The following SORCS3 variants were observed in gnomAD, a reference collection of about 807,000 sequenced individuals.
The protein encoded by SORCS3 is VPS10 domain-containing receptor SorCS3.
A neutral mutation model predicts 146.3 loss-of-function variants in SORCS3; 57 were observed. The ratio of observed to expected loss-of-function variants is 0.39; its 90% CI spans 0.31 to 0.49. The LOEUF (loss-of-function observed/expected upper bound fraction) is 0.49. Among genes scored for constraint, SORCS3 ranks in the 20% least tolerant of loss-of-function variants. SORCS3 has a pLI of 0.92. For synonymous variants in SORCS3, 653 were observed against 618.5 expected (o/e 1.06, Z -0.83); for missense variants, 1,341 against 1,575.5 (o/e 0.85, Z 2.52).
intron 10 of SORCS3, among the ~76,000 whole-genome samples, chr10:105,157,592 A>G (rs1344054301): frequency 6.6e-6 from 1 of 152,218 alleles, no homozygotes; most frequent in East Asian, 1.9e-4. Context: ...GTAGTAATAC[A>G]TCTATTAACT....
chr10:104,641,801 T>C lies in SORCS3; in HGVS notation c.474T>C (p.Arg158=), dbSNP rs781311730. 30 of 1,550,240 alleles carry C rather than the reference T, an allele frequency of 1.9e-5. No individual in the cohort carries two copies. The highest frequency in any genetic ancestry group is 2.4e-5 in the Non-Finnish European group (28 of 1,148,142). Residue 158 remains arginine, a synonymous_variant, in exon 1 of 27, where the codon CGT becomes CGC. Transcript: ENST00000369701. The surrounding 1 kb of genome is among the most constrained non-coding windows in gnomAD (Gnocchi z 6.4). ...CGGCCGATGGTTCCAGAGGAAGCCG[T>C]CCCCTTGCTAAGGGTTCCCGGGAGG... ...TAPADGSRGS[R]PLAKGSREEV...
chr10:105,051,438 A>G (rs1473009016), intron 5 of SORCS3, among the ~76,000 whole-genome samples: 1 of 152,040 alleles, frequency 6.6e-6, no homozygotes, highest in Non-Finnish European at 1.5e-5. Context: ...TCTGGAATAT[A>G]TCCTATAATT....
At chr10:105,028,006 T>A (rs534428319) in intron 4 of SORCS3, among the ~76,000 whole-genome samples, 9 of 152,214 alleles carry the variant, frequency 5.9e-5, no homozygotes, top group South Asian at 4.1e-4. Flanking sequence ...CAGAGACACG[T>A]AGATACTTAA....
chr10:104,791,675 G>A (rs1038396788), intron 1 of SORCS3, among the ~76,000 whole-genome samples: 5 of 152,154 alleles, frequency 3.3e-5, no homozygotes, highest in Non-Finnish European at 7.3e-5. Context: ...AGCTTGGAGC[G>A]TGGGAATGCT....
At chr10:105,022,116 G>A (rs550820352) in intron 4 of SORCS3, among the ~76,000 whole-genome samples, 1 of 152,154 alleles carries the variant, frequency 6.6e-6, no homozygotes, top group South Asian at 2.1e-4. Context: ...TAGTACAGTG[G>A]CGACTACATG....
chr10:105,122,301 A>G (rs1160775098), intron 7 of SORCS3, among the ~76,000 whole-genome samples: 1 of 152,216 alleles, frequency 6.6e-6, no homozygotes, highest in Non-Finnish European at 1.5e-5. Context: ...TGGAGTAAAT[A>G]ATCATTTTGA....
chr10:105,234,783 C>A (rs900622571), intron 20 of SORCS3, among the ~76,000 whole-genome samples: 1 of 151,956 alleles, frequency 6.6e-6, no homozygotes, highest in Non-Finnish European at 1.5e-5. Flanking sequence ...TCTACCTTAT[C>A]CATGAAATCT....
intron 8 of SORCS3, among the ~76,000 whole-genome samples, chr10:105,141,266 G>A (rs1010950828): frequency 1.3e-5 from 2 of 152,078 alleles, no homozygotes; most frequent in African/African-American, 4.8e-5. Flanking sequence ...CATCCGCTTA[G>A]TCCCTTTTAT....
At chr10:105,119,797 C>G (rs556389106) in intron 7 of SORCS3, among the ~76,000 whole-genome samples, 5 of 152,284 alleles carry the variant, frequency 3.3e-5, no homozygotes, top group Admixed American at 3.3e-4. Flanking sequence ...CCTATACCCC[C>G]ATTGTATCTA....
intron 14 of SORCS3, among the ~76,000 whole-genome samples, chr10:105,197,860 A>G (rs1220024016): frequency 6.6e-6 from 1 of 152,130 alleles, no homozygotes; most frequent in East Asian, 1.9e-4. Flanking sequence ...CTCCAGCTTT[A>G]TGTCATCAAA....
At chr10:104,979,607 C>A (rs1199703519) in intron 4 of SORCS3, among the ~76,000 whole-genome samples, 1 of 151,890 alleles carries the variant, frequency 6.6e-6, no homozygotes, top group Non-Finnish European at 1.5e-5. Flanking sequence ...GATGTCAGCA[C>A]CTTTAAACAA....
At chr10:105,250,376 T>C (rs2119748505) in intron 22 of SORCS3, among the ~76,000 whole-genome samples, 1 of 152,348 alleles carries the variant, frequency 6.6e-6, no homozygotes. Context: ...ATTAAAAAGA[T>C]ACTAGCTTTT....
chr10:104,848,910 A>T (rs1356145015), intron 2 of SORCS3, among the ~76,000 whole-genome samples: 2 of 152,224 alleles, frequency 1.3e-5, no homozygotes, highest in Non-Finnish European at 2.9e-5. Context: ...GAATATATAC[A>T]TATCCACAGA....
chr10:104,959,155 T>C (rs546044076), intron 3 of SORCS3, among the ~76,000 whole-genome samples: 1 of 152,244 alleles, frequency 6.6e-6, no homozygotes, highest in East Asian at 1.9e-4. Context: ...AATAAAGTTA[T>C]ATTGTTTAAA....
intron 5 of SORCS3, among the ~76,000 whole-genome samples, chr10:105,078,236 G>A (rs1397436764): frequency 6.6e-6 from 1 of 152,088 alleles, no homozygotes; most frequent in East Asian, 1.9e-4. Flanking sequence ...ATACTGCTGG[G>A]GTTATTGTTC....
chr10:105,048,170 A>C (rs867523894), intron 5 of SORCS3, among the ~76,000 whole-genome samples: 2,176 of 151,510 alleles, frequency 0.014, 46 homozygotes, highest in African/African-American at 0.05. Flanking sequence ...TTGACCCAGC[A>C]ATCCCATTAC....
chr10:104,796,508 C>G (rs182622863), intron 1 of SORCS3, among the ~76,000 whole-genome samples: 1 of 151,652 alleles, frequency 6.6e-6, no homozygotes, highest in Admixed American at 6.6e-5. Flanking sequence ...GCAGTATTGA[C>G]TAGACCTTAA....
At chr10:105,080,938 T>A (rs1481248060) in intron 5 of SORCS3, among the ~76,000 whole-genome samples, 2 of 152,174 alleles carry the variant, frequency 1.3e-5, no homozygotes, top group African/African-American at 4.8e-5. Context: ...AAATGGTGTA[T>A]TGTATATTTC....
chr10:105,045,740 A>G (rs2055367807), intron 5 of SORCS3, among the ~76,000 whole-genome samples: 2 of 152,176 alleles, frequency 1.3e-5, no homozygotes, highest in Admixed American at 1.3e-4. Flanking sequence ...TAATGGGAAC[A>G]GTATTTTTGT....
Sources: allele counts gnomAD v4.1 joint callset (sites outside exome capture counted in the v4.1 genomes callset), GRCh38; gene constraint gnomAD v4.1.1; non-coding constraint Gnocchi (gnomAD v3.1); transcripts MANE v1.5; gene names NCBI Gene and HGNC (gene_info 2026-07-23, HGNC 2026-07-21).